IL3RA: variants seen among roughly 807,000 people sequenced by gnomAD.
IL3RA encodes interleukin-3 receptor subunit alpha.
In IL3RA, 73 loss-of-function variants were observed where a neutral mutation model predicts 52.3. The observed-to-expected ratio is 1.40, with a 90% CI of 1.16 to 1.70. IL3RA has a LOEUF of 1.70. IL3RA is among the 40% of genes most tolerant of loss of function. IL3RA has a pLI of 0.00. For synonymous variants in IL3RA, 260 were observed against 194.0 expected (o/e 1.34, Z -2.83); for missense variants, 664 against 504.4 (o/e 1.32, Z -3.03).
At chrX:1,358,199 G>A (rs1211365860) in intron 7 of IL3RA, among the ~76,000 whole-genome samples, 9 of 152,064 alleles carry the variant, frequency 5.9e-5, no homozygotes, top group South Asian at 4.1e-4. Context: ...AGGCAGAGTC[G>A]TAGCTAGTCT....
intron 3 of IL3RA, among the ~76,000 whole-genome samples, chrX:1,346,030 C>G (rs1263067974): frequency 6.6e-6 from 1 of 151,926 alleles, no homozygotes; most frequent in Non-Finnish European, 1.5e-5. Context: ...AAACCCAACC[C>G]CACGCTGGGC....
chrX:1,367,373 G>A (rs2088174536), intron 9 of IL3RA, among the ~76,000 whole-genome samples: 1 of 36,580 alleles, frequency 2.7e-5, no homozygotes, highest in East Asian at 8.0e-4. Context: ...TGCGCGGGGT[G>A]AGCCGGGTGC....
At chrX:1,360,926 T>C (rs1336713198) in intron 8 of IL3RA, among the ~76,000 whole-genome samples, 3 of 117,728 alleles carry the variant, frequency 2.5e-5, no homozygotes, top group Admixed American at 1.6e-4. Flanking sequence ...CCTTCCCCTC[T>C]CTGTCTCTCT....
At chrX:1,377,059 G>A (rs1407548608) in intron 9 of IL3RA, among the ~76,000 whole-genome samples, 2 of 146,820 alleles carry the variant, frequency 1.4e-5, no homozygotes, top group African/African-American at 5.1e-5. Flanking sequence ...CATAAGAAGA[G>A]GAGATGAGGA....
At chrX:1,354,084 G>A (rs1409484828) in intron 6 of IL3RA, among the ~76,000 whole-genome samples, 2 of 147,360 alleles carry the variant, frequency 1.4e-5, no homozygotes, top group African/African-American at 5.0e-5. Flanking sequence ...CCCCCATCAT[G>A]AGTCATGGAA....
At position 1,345,305 on chromosome X, in the gene IL3RA, C is replaced by G. The variant is rs1197163723; in HGVS notation, c.65-11C>G. ...CGTATCTCTTCGAACTCCAACCTGT[C>G]ACCGTTTTAGATCCAAACCCACCAA... On this transcript the variant is annotated splice_polypyrimidine_tract_variant and intron_variant, in intron 2 of 11. Transcript: ENST00000331035. The G allele has an allele frequency of 2.5e-6, 4 of 1,590,076 alleles. No homozygotes were observed. The highest frequency in any genetic ancestry group is 1.4e-5 in the African/African-American group (1 of 73,686).
intron 3 of IL3RA, among the ~76,000 whole-genome samples, chrX:1,346,074 G>T (rs1293180213): frequency 1.1e-4 from 16 of 151,902 alleles, no homozygotes; most frequent in African/African-American, 3.9e-4. Flanking sequence ...CAGCACTTTG[G>T]GAGGCTGAGG....
At chrX:1,361,300 T>C (rs2087333543) in intron 8 of IL3RA, among the ~76,000 whole-genome samples, 1 of 152,092 alleles carries the variant, frequency 6.6e-6, no homozygotes, top group Non-Finnish European at 1.5e-5. Flanking sequence ...TATTAGTCCA[T>C]TGTCACACTG....
intron 2 of IL3RA, among the ~76,000 whole-genome samples, chrX:1,343,375 C>A (rs147240599): frequency 7.2e-5 from 11 of 151,854 alleles, no homozygotes; most frequent in Non-Finnish European, 1.6e-4. Flanking sequence ...AGAATATTGC[C>A]TTTTACTGGC....
chrX:1,344,037 G>A (rs1207581625), intron 2 of IL3RA, among the ~76,000 whole-genome samples: 17 of 151,942 alleles, frequency 1.1e-4, no homozygotes, highest in Non-Finnish European at 1.8e-4. Flanking sequence ...CTGGTGATCC[G>A]CCCACCTTGG....
At chrX:1,362,345 CTG>C (rs1196480997) in intron 8 of IL3RA, among the ~76,000 whole-genome samples, 1 of 151,510 alleles carries the variant, frequency 6.6e-6, no homozygotes, top group Non-Finnish European at 1.5e-5. Flanking sequence ...GTTTCTATCT[CTG>C]TCTCTCTCTG....
chrX:1,345,236 A>C, intron 2 of IL3RA, 80 bp from the exon 3 acceptor site: 1 of 910,846 alleles, frequency 1.1e-6, no homozygotes, highest in Non-Finnish European at 1.7e-6. Flanking sequence ...CCACGGGCAA[A>C]AAAAAAAAAC....
At chrX:1,359,199 A>G (rs1377293119) in intron 8 of IL3RA, among the ~76,000 whole-genome samples, 4 of 151,924 alleles carry the variant, frequency 2.6e-5, no homozygotes, top group Non-Finnish European at 5.9e-5. Flanking sequence ...GGTGCTGTCC[A>G]AACGAGGTCC....
Position 1,381,130 on chromosome X carries a change from C to T in IL3RA, c.1062+26C>T, listed in dbSNP as rs773372365. On this transcript the variant is annotated intron_variant, in intron 11 of 11. Transcript: ENST00000331035. ...GTATGTTGTTTTTTCTGCCTTGGGA[C>T]GGGTCTGGAGGCGTGGTGGCCACTT... is the stretch of plus-strand genomic sequence containing the variant. 1.7e-5 allele frequency: 28 copies of T among 1,611,240 alleles called. 1 individual carries two copies. Among genetic ancestry groups the T allele is most frequent in the South Asian group, 1.1e-4 (10 of 91,056 alleles).
chrX:1,348,036 C>CAAA (rs372200553), intron 3 of IL3RA, among the ~76,000 whole-genome samples: 8 of 100,524 alleles, frequency 8.0e-5, no homozygotes, highest in African/African-American at 2.1e-4. Context: ...GACTCCCTCT[C>CAAA]AAAAAAAAAA....
chrX:1,351,397 G>A (rs1292622785), intron 4 of IL3RA, among the ~76,000 whole-genome samples: 1 of 151,004 alleles, frequency 6.6e-6, no homozygotes, highest in Admixed American at 6.6e-5. Context: ...GACGTGGCCT[G>A]GGCTCACTGC....
chrX:1,344,223 T>C (rs1328525126), intron 2 of IL3RA, among the ~76,000 whole-genome samples: 7 of 151,712 alleles, frequency 4.6e-5, no homozygotes, highest in Non-Finnish European at 7.4e-5. Flanking sequence ...CATGTGAGGT[T>C]GGGAGTTCGA....
At chrX:1,347,819 A>G (rs1236370346) in intron 3 of IL3RA, among the ~76,000 whole-genome samples, 1 of 151,188 alleles carries the variant, frequency 6.6e-6, no homozygotes, top group African/African-American at 2.4e-5. Context: ...AGGGTGGATC[A>G]CGAGGTCAGG....
At chrX:1,341,072 A>G (rs1184789272) in intron 1 of IL3RA, among the ~76,000 whole-genome samples, 1 of 150,742 alleles carries the variant, frequency 6.6e-6, no homozygotes, top group Non-Finnish European at 1.5e-5. Context: ...AGCCCAGATC[A>G]CGCCATTGCA....
Sources: allele counts gnomAD v4.1 joint callset (sites outside exome capture counted in the v4.1 genomes callset), GRCh38; gene constraint gnomAD v4.1.1; transcripts MANE v1.5; gene names NCBI Gene and HGNC (gene_info 2026-07-23, HGNC 2026-07-21).